The following METTL2A variants were observed in gnomAD, a reference collection of about 807,000 sequenced individuals.
METTL2A encodes the protein tRNA N(3)-cytidine methyltransferase METTL2A.
METTL2A carries 45 observed loss-of-function variants against 49.4 expected under a neutral mutation model. The ratio of observed to expected loss-of-function variants is 0.91; its 90% confidence interval spans 0.72 to 1.17. METTL2A has a LOEUF of 1.17. METTL2A is among the 50% of genes most tolerant of loss of function. The pLI, the probability that METTL2A is intolerant of heterozygous loss-of-function variation, is 0.00. For synonymous variants in METTL2A, 118 were observed against 167.5 expected, an observed-to-expected ratio of 0.70 and a Z score of 2.28; for missense variants, 361 against 462.2, an observed-to-expected ratio of 0.78 and a Z score of 2.01.
Position 62,448,878 on chromosome 17 carries a change from C to G in METTL2A, c.*149C>G. On this transcript the variant is annotated 3_prime_UTR_variant, in exon 9 of 9. Transcript: ENST00000311506. ...GGATCCATTGAGCCCAGCAGTCCAACCTGGGCAAAATAGTGAGAGACCCTG... is the reference window on the plus strand; with the variant it reads ...GGATCCATTGAGCCCAGCAGTCCAAGCTGGGCAAAATAGTGAGAGACCCTG... 1 of 1,234,450 alleles carries G rather than the reference C, an allele frequency of 8.1e-7. No homozygotes were observed. The highest frequency in any genetic ancestry group is 1.1e-6 in the Non-Finnish European group (1 of 916,560). 76.5% of individuals were successfully genotyped at this position (1,234,450 alleles called of 1,614,324 possible). A position where few individuals can be genotyped will look rare whatever the true frequency, so the allele number is the denominator to read the frequency against.
At chr17:62,436,467 G>A (rs1437365985) in intron 5 of METTL2A, among the ~76,000 whole-genome samples, 9 of 151,966 alleles carry the variant, frequency 5.9e-5, no homozygotes, top group Middle Eastern at 6.8e-3. Context: ...CAGGAGAATC[G>A]CTTGAACTGG....
chr17:62,439,552 G>A (rs1190021173), intron 5 of METTL2A, among the ~76,000 whole-genome samples: 2 of 152,048 alleles, frequency 1.3e-5, no homozygotes, highest in Non-Finnish European at 2.9e-5. Context: ...TCCTGCCTCA[G>A]CCTCCCGAGT....
At chr17:62,425,173 C>A (rs1429614078) in intron 2 of METTL2A, among the ~76,000 whole-genome samples, 1 of 151,504 alleles carries the variant, frequency 6.6e-6, no homozygotes, top group Non-Finnish European at 1.5e-5. Context: ...AATCCTGTTT[C>A]TTAGGGAGTC....
chr17:62,445,985 C>T (rs187423060), intron 7 of METTL2A, among the ~76,000 whole-genome samples: 2 of 152,168 alleles, frequency 1.3e-5, no homozygotes, highest in Admixed American at 6.6e-5. Flanking sequence ...AGATCAGTGA[C>T]CCACCCAAAA....
intron 7 of METTL2A, among the ~76,000 whole-genome samples, chr17:62,446,239 T>G (rs772110519): frequency 1.3e-5 from 2 of 152,168 alleles, no homozygotes; most frequent in Non-Finnish European, 2.9e-5. Context: ...CTGCAACCTC[T>G]GCCTCCTGGG....
At chr17:62,439,716 A>G (rs148037775) in intron 5 of METTL2A, among the ~76,000 whole-genome samples, 5,121 of 151,786 alleles carry the variant, frequency 0.034, 301 homozygotes, top group African/African-American at 0.12. Flanking sequence ...ACAGGCGTGA[A>G]CCACCGCGTG....
intron 4 of METTL2A, among the ~76,000 whole-genome samples, chr17:62,432,071 T>C (rs529928905): frequency 3.9e-5 from 6 of 152,210 alleles, no homozygotes; most frequent in African/African-American, 1.2e-4. Flanking sequence ...ATCACTGCAG[T>C]CAACTTCAGG....
rs533718925 is a variant in METTL2A, at chr17:62,447,239, T to A, written c.917-462T>A. 2.6e-4 allele frequency among the ~76,000 whole-genome samples: 40 copies of A among 151,878 alleles called. 2 individuals carry two copies. Among genetic ancestry groups the A allele is most frequent in the Admixed American group, 2.0e-4 (3 of 15,230 alleles). On this transcript the variant is annotated intron_variant, in intron 7 of 8. Transcript: ENST00000311506. ...TTTGAGACCAGCCTGGCCAACATGG[T>A]GAAACCCTGACTCTACTAAAAATAC... is the stretch of plus-strand genomic sequence containing the variant.
intron 8 of METTL2A, 77 bp downstream of exon 8, chr17:62,447,843 A>G: frequency 6.3e-7 from 1 of 1,597,930 alleles, no homozygotes; most frequent in Non-Finnish European, 8.6e-7. Context: ...TTCAGAAGGA[A>G]AACTATCTGG....
At chr17:62,428,922 TAC>T (rs1303228059) in intron 4 of METTL2A, among the ~76,000 whole-genome samples, 3 of 152,202 alleles carry the variant, frequency 2.0e-5, no homozygotes, top group Non-Finnish European at 2.9e-5. Flanking sequence ...TAGCTGGGAC[TAC>T]AGACACATGC....
At chr17:62,425,785 GGTCAGGAGATCGAGA>G (rs2070620739) in intron 2 of METTL2A, among the ~76,000 whole-genome samples, 1 of 149,466 alleles carries the variant, frequency 6.7e-6, no homozygotes, top group Non-Finnish European at 1.5e-5. Flanking sequence ...TGGATCACGA[GGTCAGGAGATCGAGA>G]CCATCCTGGC....
At chr17:62,433,997 G>A (rs1037681213) in intron 4 of METTL2A, among the ~76,000 whole-genome samples, 7 of 152,168 alleles carry the variant, frequency 4.6e-5, no homozygotes, top group African/African-American at 1.7e-4. Flanking sequence ...AGGAGGCAAA[G>A]ACTGCAATGA....
In METTL2A at chr17:62,452,546, T is replaced by C. The variant is rs1221383539; in HGVS notation, c.*3817T>C. On this transcript the variant is annotated 3_prime_UTR_variant, in exon 9 of 9. Coordinates refer to ENST00000311506, the MANE Select transcript of METTL2A (RefSeq NM_181725.4). ...TTCCTTCTACACTGATTGGTTGGTATTTTGTACAGAAAAGCTTTCTCATAT... is the reference window on the plus strand; with the variant it reads ...TTCCTTCTACACTGATTGGTTGGTACTTTGTACAGAAAAGCTTTCTCATAT... Among the ~76,000 whole-genome samples, 2 of 152,178 alleles carry C rather than the reference T, an allele frequency of 1.3e-5. No homozygotes were observed. The highest frequency in any genetic ancestry group is 2.9e-5 in the Non-Finnish European group (2 of 68,038).
chr17:62,442,379 G>A (rs956827998), intron 6 of METTL2A, among the ~76,000 whole-genome samples: 2 of 151,234 alleles, frequency 1.3e-5, no homozygotes, highest in Admixed American at 6.6e-5. Context: ...AGGTTAAAGC[G>A]ATTCTCCTGC....
intron 2 of METTL2A, among the ~76,000 whole-genome samples, chr17:62,425,130 G>A (rs929182301): frequency 6.6e-6 from 1 of 151,414 alleles, no homozygotes; most frequent in Admixed American, 6.6e-5. Flanking sequence ...TTTCCCAGAG[G>A]TAAGCAGTCA....
At chr17:62,424,383 G>A in intron 2 of METTL2A, 73 bp downstream of exon 2, 1 of 1,595,484 alleles carries the variant, frequency 6.3e-7, no homozygotes, top group Non-Finnish European at 8.5e-7. Flanking sequence ...GAGAGGCCAG[G>A]GAACCGCGGC....
In METTL2A at chr17:62,451,367, C is replaced by T. The variant is rs1219124643; in HGVS notation, c.*2638C>T. Among the ~76,000 whole-genome samples, 2 of 151,030 alleles carry T rather than the reference C, an allele frequency of 1.3e-5. No individual in the cohort carries two copies. The highest frequency in any genetic ancestry group is 3.0e-5 in the Non-Finnish European group (2 of 67,686). ...TTCTCCATGTTGGTCAGGCTGATCT[C>T]GAACTCCCGACCTCAGGTGATCTGC... On this transcript the variant is annotated 3_prime_UTR_variant, in exon 9 of 9. Transcript: ENST00000311506.
intron 5 of METTL2A, 116 bp downstream of exon 5, chr17:62,435,408 A>G: frequency 2.8e-6 from 4 of 1,432,724 alleles, no homozygotes; most frequent in Non-Finnish European, 3.9e-6. Flanking sequence ...TTACGGTCTA[A>G]AAGTAAAAGA....
chr17:62,443,675 C>T (rs1187445754), intron 6 of METTL2A, among the ~76,000 whole-genome samples: 1 of 151,946 alleles, frequency 6.6e-6, no homozygotes, highest in Non-Finnish European at 1.5e-5. Flanking sequence ...CTGCAATCTC[C>T]GCCTCCCAGG....
Sources: allele counts gnomAD v4.1 joint callset (sites outside exome capture counted in the v4.1 genomes callset), GRCh38; gene constraint gnomAD v4.1.1; transcripts MANE v1.5; gene names NCBI Gene and HGNC (gene_info 2026-07-23, HGNC 2026-07-21).